Variants in PHC2 observed in about 807,000 individuals in gnomAD.
PHC2 encodes polyhomeotic-like protein 2.
A neutral mutation model predicts 87.4 loss-of-function variants in PHC2; 29 were observed. The ratio of observed to expected loss-of-function variants is 0.33; its 90% CI spans 0.25 to 0.45. PHC2 has a LOEUF of 0.45. Among genes scored for constraint, PHC2 ranks in the 20% least tolerant of loss-of-function variants. PHC2 has a pLI of 1.00. For missense variants in PHC2, 857 were observed against 1,136.7 expected, an observed-to-expected ratio of 0.75 and a Z score of 3.54; for synonymous variants, 438 against 461.7, an observed-to-expected ratio of 0.95 and a Z score of 0.66.
At chr1:33,411,854 CG>C (rs975811205) in intron 1 of PHC2, among the ~76,000 whole-genome samples, 15 of 152,226 alleles carry the variant, frequency 9.9e-5, no homozygotes, top group African/African-American at 3.6e-4. Flanking sequence ...CCATTCGCAC[CG>C]GGCCTGATCA....
chr1:33,354,650 G>C, intron 8 of PHC2, 84 bp from the exon 9 acceptor site: 1 of 1,448,378 alleles, frequency 6.9e-7, no homozygotes. Context: ...CATGGAGCTT[G>C]GGAAGCAGGT....
At chr1:33,347,818 T>A in intron 9 of PHC2, 1 of 795,704 alleles carries the variant, frequency 1.3e-6, no homozygotes, top group Non-Finnish European at 1.5e-6. Context: ...ACTCCCCATC[T>A]GCCCGACCTT....
rs1302330287 is a variant in PHC2 at position 33,364,655 on chromosome 1, G to A, written c.976+2461C>T. On this transcript the variant is annotated intron_variant, in intron 7 of 14. Coordinates refer to ENST00000683057, the MANE Select transcript of PHC2 (RefSeq NM_001385109.1). The surrounding 1 kb of genome is among the most constrained non-coding windows in gnomAD (Gnocchi z 4.1). ...TCCCCAGCTGCCTTCCATATGGGAG[G>A]TGGGAGTGGGGCAGCGCCATCTCTG... 4.6e-5 allele frequency among the ~76,000 whole-genome samples: 7 copies of A among 152,224 alleles called. No homozygotes were observed. The highest frequency in any genetic ancestry group is 1.7e-4 in the African/African-American group (7 of 41,462).
rs1349661757 is a variant in PHC2, at chr1:33,364,663, G to A, written c.976+2453C>T. 1.3e-5 allele frequency among the ~76,000 whole-genome samples: 2 copies of A among 152,198 alleles called. No individual in the cohort carries two copies. The highest frequency in any genetic ancestry group is 4.8e-5 in the African/African-American group (2 of 41,458). On this transcript the variant is annotated intron_variant, in intron 7 of 14. Transcript: ENST00000683057. The surrounding 1 kb of genome is among the most constrained non-coding windows in gnomAD (Gnocchi z 4.1). Reference sequence around the variant, plus strand: ...TGCCTTCCATATGGGAGGTGGGAGTGGGGCAGCGCCATCTCTGGGCTTACA... The same window carrying A: ...TGCCTTCCATATGGGAGGTGGGAGTAGGGCAGCGCCATCTCTGGGCTTACA...
chr1:33,383,763 A>G (rs1249077730), intron 1 of PHC2, among the ~76,000 whole-genome samples: 1 of 152,208 alleles, frequency 6.6e-6, no homozygotes, highest in Admixed American at 6.5e-5. Flanking sequence ...CAGTGTCCTT[A>G]TAAAAGAACG....
intron 1 of PHC2, among the ~76,000 whole-genome samples, chr1:33,406,882 A>G (rs1236422426): frequency 3.3e-5 from 5 of 151,846 alleles, no homozygotes; most frequent in African/African-American, 1.2e-4. Context: ...CTCTTTCCTT[A>G]TCTTCTGGGA....
At chr1:33,355,764 C>T (rs1175377116) in intron 7 of PHC2, among the ~76,000 whole-genome samples, 2 of 152,246 alleles carry the variant, frequency 1.3e-5, no homozygotes, top group Non-Finnish European at 2.9e-5. Flanking sequence ...GTTCTTGGAT[C>T]CTGGCATCAG....
chr1:33,427,713 T>C (rs1650739084), intron 1 of PHC2, among the ~76,000 whole-genome samples: 1 of 152,258 alleles, frequency 6.6e-6, no homozygotes, highest in Admixed American at 6.5e-5. Flanking sequence ...CAAAACTTTT[T>C]CTTCTCTTGA....
intron 1 of PHC2, among the ~76,000 whole-genome samples, chr1:33,388,347 G>T (rs545490776): frequency 1.4e-5 from 2 of 138,822 alleles, no homozygotes; most frequent in East Asian, 4.2e-4. Flanking sequence ...TTTTTAGACA[G>T]AGTTTTGCTC....
At chr1:33,329,186 C>G in intron 13 of PHC2, 40 bp from the exon 14 acceptor site, 1 of 1,592,618 alleles carries the variant, frequency 6.3e-7, no homozygotes, top group Non-Finnish European at 8.6e-7. Flanking sequence ...GGGAACAAAC[C>G]ATCTCTAGCA....
intron 1 of PHC2, among the ~76,000 whole-genome samples, chr1:33,412,993 T>A (rs1053516684): frequency 8.6e-5 from 13 of 152,002 alleles, no homozygotes; most frequent in African/African-American, 3.1e-4. Context: ...TGAGATGGAG[T>A]CTCGCTCTTG....
intron 14 of PHC2, among the ~76,000 whole-genome samples, chr1:33,326,821 G>A (rs1264909818): frequency 2.0e-5 from 3 of 152,070 alleles, no homozygotes; most frequent in Non-Finnish European, 4.4e-5. Context: ...GTGTGGTGGC[G>A]AATGTCTGTA....
intron 9 of PHC2, chr1:33,347,662 C>A (rs531818610): frequency 1.0e-6 from 1 of 985,292 alleles, no homozygotes; most frequent in Non-Finnish European, 1.2e-6. Flanking sequence ...GAAACTACCC[C>A]CTTTCTCAAG....
intron 1 of PHC2, among the ~76,000 whole-genome samples, chr1:33,399,419 T>C (rs1339841193): frequency 1.3e-5 from 2 of 152,220 alleles, no homozygotes; most frequent in Non-Finnish European, 2.9e-5. Context: ...CACAGATTTA[T>C]AGATGAATGG....
intron 7 of PHC2, 67 bp downstream of exon 7, chr1:33,367,049 A>T: frequency 7.4e-7 from 1 of 1,359,538 alleles, no homozygotes; most frequent in Non-Finnish European, 1.0e-6. Flanking sequence ...GGAAAGTGTG[A>T]AAGTCTCCTC....
intron 1 of PHC2, among the ~76,000 whole-genome samples, chr1:33,410,260 C>T (rs1475809343): frequency 6.6e-6 from 1 of 152,216 alleles, no homozygotes; most frequent in African/African-American, 2.4e-5. Flanking sequence ...TCATCTCTTT[C>T]CTCAGCTGGC....
intron 7 of PHC2, among the ~76,000 whole-genome samples, chr1:33,360,396 A>AT (rs1172005874): frequency 7.2e-5 from 11 of 152,284 alleles, no homozygotes; most frequent in Non-Finnish European, 2.9e-5. Flanking sequence ...GCAGGATAGC[A>AT]TAAGTGGATA....
At chr1:33,377,980 C>T (rs1384315768) in intron 1 of PHC2, among the ~76,000 whole-genome samples, 1 of 152,170 alleles carries the variant, frequency 6.6e-6, no homozygotes, top group Non-Finnish European at 1.5e-5. Flanking sequence ...GCAAGCTGCA[C>T]TCTTGACCTT....
intron 3 of PHC2, 27 bp from the exon 4 acceptor site, chr1:33,371,121 A>G (rs1016758985): frequency 6.3e-7 from 1 of 1,587,308 alleles, no homozygotes; most frequent in Non-Finnish European, 8.7e-7. Context: ...TCCTCTTGCT[A>G]GAGTCCCAGA....
Sources: allele counts gnomAD v4.1 joint callset (sites outside exome capture counted in the v4.1 genomes callset), GRCh38; gene constraint gnomAD v4.1.1; non-coding constraint Gnocchi (gnomAD v3.1); transcripts MANE v1.5; gene names NCBI Gene and HGNC (gene_info 2026-07-23, HGNC 2026-07-21).